The following OR3A2 variants were observed in gnomAD, a reference collection of about 807,000 sequenced individuals.
OR3A2 encodes the protein olfactory receptor 3A2.
For synonymous variants in OR3A2, 126 were observed against 159.3 expected, an observed-to-expected ratio of 0.79 and a Z score of 1.57; for missense variants, 318 against 392.8, an observed-to-expected ratio of 0.81 and a Z score of 1.61.
intron 3 of OR3A2, among the ~76,000 whole-genome samples, chr17:3,326,664 T>C (rs1390047227): frequency 6.7e-6 from 1 of 149,304 alleles, no homozygotes; most frequent in African/African-American, 2.5e-5. Flanking sequence ...TAACTCGTCA[T>C]CTAGTATTAG....
intron 2 of OR3A2, among the ~76,000 whole-genome samples, chr17:3,349,295 G>A (rs143840526): frequency 6.6e-6 from 1 of 151,896 alleles, no homozygotes; most frequent in African/African-American, 2.4e-5. Flanking sequence ...CCATCTCACG[G>A]GCAGAGACAC....
At chr17:3,315,108 T>A (rs2049070862) in intron 3 of OR3A2, among the ~76,000 whole-genome samples, 1 of 152,244 alleles carries the variant, frequency 6.6e-6, no homozygotes, top group African/African-American at 2.4e-5. Flanking sequence ...CTGGGTTGAT[T>A]CCATGTCTTT....
At chr17:3,356,315 T>C (rs1002627878) in intron 2 of OR3A2, among the ~76,000 whole-genome samples, 1 of 151,556 alleles carries the variant, frequency 6.6e-6, no homozygotes, top group Admixed American at 6.6e-5. Context: ...GCACTTACTA[T>C]TACCAGTCAG....
chr17:3,332,464 C>A (rs1161627185), intron 3 of OR3A2, among the ~76,000 whole-genome samples: 1 of 152,232 alleles, frequency 6.6e-6, no homozygotes, highest in Non-Finnish European at 1.5e-5. Context: ...ACCTGATTTT[C>A]CAGGTGCGTC....
At position 3,384,997 on chromosome 17, in the gene OR3A2, G is replaced by T. The variant is rs531287245; in HGVS notation, c.-274-1098C>A. On this transcript the variant is annotated intron_variant, in intron 1 of 4. Coordinates refer to the OR3A2 transcript ENST00000573491. ...ACCTGAGATCGGGAGTTCGAGACCA[G>T]CCTGACCAACATGGAGAAACCCGGT... Among the ~76,000 whole-genome samples, 15 of 152,158 alleles carry T rather than the reference G, an allele frequency of 9.9e-5. No homozygotes were observed. The South Asian group carries it at 1.0e-3, about 11-fold the overall frequency.
At chr17:3,375,810 C>T (rs1275650991) in intron 2 of OR3A2, among the ~76,000 whole-genome samples, 1 of 152,156 alleles carries the variant, frequency 6.6e-6, no homozygotes, top group East Asian at 1.9e-4. Flanking sequence ...ATGGTGCTCT[C>T]CCCCTTCCCC....
intron 3 of OR3A2, among the ~76,000 whole-genome samples, chr17:3,334,812 TAG>T (rs1567559113): frequency 6.6e-6 from 1 of 152,232 alleles, no homozygotes; most frequent in African/African-American, 2.4e-5. Flanking sequence ...TTTTAAAAAT[TAG>T]AGTTTCTGCC....
chr17:3,334,151 T>C (rs2049260741), intron 3 of OR3A2, among the ~76,000 whole-genome samples: 2 of 152,202 alleles, frequency 1.3e-5, no homozygotes, highest in South Asian at 4.1e-4. Context: ...TTTTACATTG[T>C]TAGTGGGAGT....
chr17:3,380,283 G>C (rs927278799), intron 2 of OR3A2, among the ~76,000 whole-genome samples: 14 of 152,204 alleles, frequency 9.2e-5, no homozygotes, highest in Non-Finnish European at 1.6e-4. Context: ...CAATACACGA[G>C]AACGACCTGC....
chr17:3,338,585 C>T (rs1323626915), intron 2 of OR3A2, among the ~76,000 whole-genome samples: 3 of 152,094 alleles, frequency 2.0e-5, no homozygotes, highest in East Asian at 1.9e-4. Flanking sequence ...TGGTTGTAGA[C>T]GTGTGGTGTT....
intron 2 of OR3A2, among the ~76,000 whole-genome samples, chr17:3,353,191 T>C (rs190157): frequency 0.02 from 3,023 of 151,670 alleles, 110 homozygotes; most frequent in African/African-American, 0.067. Flanking sequence ...AAAAATGCCA[T>C]AACAATTTAT....
At chr17:3,336,301 T>C (rs73979540) in intron 2 of OR3A2, among the ~76,000 whole-genome samples, 175 bp from the exon 2 acceptor site, 2,297 of 152,330 alleles carry the variant, frequency 0.015, 63 homozygotes, top group African/African-American at 0.052. Flanking sequence ...CATTTTAATC[T>C]GTACCTTGAA....
chr17:3,345,796 T>A (rs960341757), intron 2 of OR3A2, among the ~76,000 whole-genome samples: 6 of 152,036 alleles, frequency 3.9e-5, no homozygotes, highest in Non-Finnish European at 7.4e-5. Flanking sequence ...AGCACCAGAG[T>A]AATATTTTTT....
intron 3 of OR3A2, among the ~76,000 whole-genome samples, chr17:3,322,914 T>A (rs2049137242): frequency 1.3e-5 from 2 of 152,302 alleles, no homozygotes; most frequent in Admixed American, 1.3e-4. Flanking sequence ...TGAGTTCAAT[T>A]CCTGGACATC....
At chr17:3,367,973 G>A (rs1357471244) in intron 2 of OR3A2, among the ~76,000 whole-genome samples, 1 of 152,040 alleles carries the variant, frequency 6.6e-6, no homozygotes, top group Non-Finnish European at 1.5e-5. Context: ...GTTTTGATAT[G>A]CATTTCCCTG....
At chr17:3,334,464 A>T (rs896322009) in intron 3 of OR3A2, among the ~76,000 whole-genome samples, 7 of 152,126 alleles carry the variant, frequency 4.6e-5, no homozygotes, top group Non-Finnish European at 8.8e-5. Flanking sequence ...TGTTGCTGCA[A>T]ATGACAGAAT....
intron 2 of OR3A2, among the ~76,000 whole-genome samples, chr17:3,360,258 T>A (rs1486378313): frequency 1.1e-5 from 1 of 88,518 alleles, no homozygotes; most frequent in African/African-American, 9.3e-5. Context: ...GCCCACTTTT[T>A]GATGGGGTTG....
At chr17:3,340,840 G>C (rs1384310392) in intron 2 of OR3A2, among the ~76,000 whole-genome samples, 1 of 152,176 alleles carries the variant, frequency 6.6e-6, no homozygotes, top group Non-Finnish European at 1.5e-5. Flanking sequence ...CTGTCTTGTT[G>C]ATCTGTCTAA....
intron 2 of OR3A2, among the ~76,000 whole-genome samples, chr17:3,369,164 C>T (rs1030162373): frequency 6.6e-6 from 1 of 152,098 alleles, no homozygotes; most frequent in African/African-American, 2.4e-5. Flanking sequence ...TCTAGTTATA[C>T]AATAAGATCT....
Sources: gnomAD v4.1 joint callset for allele counts (sites outside exome capture counted in the v4.1 genomes callset) on GRCh38, gnomAD v4.1.1 for gene constraint, MANE v1.5 for transcripts, NCBI Gene and HGNC (gene_info 2026-07-23, HGNC 2026-07-21) for gene names.